The following KIF5C variants were observed in gnomAD, a reference collection of about 807,000 sequenced individuals.
The protein encoded by KIF5C is kinesin family member 5C.
KIF5C carries 18 observed loss-of-function variants against 125.2 expected under a neutral mutation model. The ratio of observed to expected loss-of-function variants is 0.14; its 90% CI spans 0.10 to 0.21. The LOEUF (loss-of-function observed/expected upper bound fraction) is 0.21, where lower values mean the gene tolerates loss of function less well. Ranked by LOEUF, KIF5C falls within the 10% of genes least tolerant of loss-of-function variation. The pLI, the probability that KIF5C is intolerant of heterozygous loss-of-function variation, is 1.00. For missense variants in KIF5C, 780 were observed against 1,183.8 expected (o/e 0.66, Z 5.01); for synonymous variants, 405 against 434.0 (o/e 0.93, Z 0.83).
At chr2:149,002,465 TC>T (rs1431223265) in intron 21 of KIF5C, among the ~76,000 whole-genome samples, 1 of 152,196 alleles carries the variant, frequency 6.6e-6, no homozygotes, top group East Asian at 1.9e-4. Flanking sequence ...TGCATGCTCC[TC>T]CATACACAAG....
At chr2:148,916,906 G>A (rs759645541) in intron 1 of KIF5C, among the ~76,000 whole-genome samples, 1 of 152,114 alleles carries the variant, frequency 6.6e-6, no homozygotes, top group Non-Finnish European at 1.5e-5. Flanking sequence ...CTGGCTGCAC[G>A]CATGCCATCT....
At chr2:148,897,254 T>G (rs1434667917) in intron 1 of KIF5C, among the ~76,000 whole-genome samples, 2 of 152,228 alleles carry the variant, frequency 1.3e-5, no homozygotes, top group African/African-American at 4.8e-5. Flanking sequence ...TCTAATATTT[T>G]CTATTCTACT....
intron 19 of KIF5C, chr2:148,998,772 ATTC>A: frequency 3.3e-6 from 1 of 307,676 alleles, no homozygotes; most frequent in East Asian, 6.2e-5. Context: ...CACATAGGTG[ATTC>A]CGCTGGATGG....
At chr2:149,020,874 C>G (rs1682515400) in intron 25 of KIF5C, among the ~76,000 whole-genome samples, 3 of 152,128 alleles carry the variant, frequency 2.0e-5, no homozygotes, top group Admixed American at 2.0e-4. Flanking sequence ...GCAATAAGCC[C>G]AAAATTTCAC....
At position 148,876,196 on chromosome 2, in the gene KIF5C, C is replaced by G. The variant is rs1424188081; in HGVS notation, c.126+453C>G. Among the ~76,000 whole-genome samples, 1 of 152,206 alleles carries G rather than the reference C, an allele frequency of 6.6e-6. No individual in the cohort carries two copies. The highest frequency in any genetic ancestry group is 2.4e-5 in the African/African-American group (1 of 41,462). On this transcript the variant is annotated intron_variant, in intron 1 of 25. Transcript: ENST00000435030. The surrounding 1 kb of genome is among the most constrained non-coding windows in gnomAD (Gnocchi z 4.7). The stretch of plus-strand genomic sequence containing the variant: ...CGCCTTGCCTCTTCTTCTCACGACC[C>G]TAGCAAAAAAGAAAGAAAAAGGGGT...
At chr2:148,898,073 G>A (rs1349770846) in intron 1 of KIF5C, among the ~76,000 whole-genome samples, 1 of 151,516 alleles carries the variant, frequency 6.6e-6, no homozygotes, top group Non-Finnish European at 1.5e-5. Context: ...TCCCATCAAA[G>A]ACTGGCTCTA....
At chr2:148,930,827 G>A (rs1300430382) in intron 3 of KIF5C, among the ~76,000 whole-genome samples, 1 of 152,166 alleles carries the variant, frequency 6.6e-6, no homozygotes, top group African/African-American at 2.4e-5. Context: ...TGACACCTGA[G>A]TGGCATCAGC....
At chr2:148,977,622 T>C (rs1681111996) in intron 12 of KIF5C, among the ~76,000 whole-genome samples, 2 of 152,122 alleles carry the variant, frequency 1.3e-5, no homozygotes, top group Admixed American at 1.3e-4. Flanking sequence ...TGCAGGAAAA[T>C]AGAACCATTA....
At chr2:148,910,174 C>T (rs961721367) in intron 1 of KIF5C, among the ~76,000 whole-genome samples, 1 of 152,072 alleles carries the variant, frequency 6.6e-6, no homozygotes, top group African/African-American at 2.4e-5. Context: ...GAAAACATGT[C>T]CTTAAATAAC....
intron 13 of KIF5C, 139 bp from the exon 14 acceptor site, chr2:148,981,216 G>A (rs1323238831): frequency 2.2e-5 from 28 of 1,267,998 alleles, no homozygotes; most frequent in Non-Finnish European, 2.7e-5. Flanking sequence ...GGACCATACA[G>A]TGGGGTTTCC....
At chr2:149,010,533 C>T (rs908922011) in intron 24 of KIF5C, among the ~76,000 whole-genome samples, 182 bp downstream of exon 24, 1 of 152,232 alleles carries the variant, frequency 6.6e-6, no homozygotes, top group Non-Finnish European at 1.5e-5. Context: ...GAATGTCAGG[C>T]GCCCCCGTTA....
chr2:148,969,859 CT>C (rs1680853963), intron 11 of KIF5C, among the ~76,000 whole-genome samples: 1 of 152,134 alleles, frequency 6.6e-6, no homozygotes, highest in Admixed American at 6.5e-5. Flanking sequence ...TGTTTGTGAG[CT>C]GGACAGTGTA....
At chr2:148,943,629 G>C (rs1290858185) in intron 7 of KIF5C, among the ~76,000 whole-genome samples, 1 of 152,120 alleles carries the variant, frequency 6.6e-6, no homozygotes, top group Non-Finnish European at 1.5e-5. Context: ...GAGCTCTAGG[G>C]AGGCAGATTT....
chr2:148,920,961 T>C (rs1681760431), intron 1 of KIF5C, among the ~76,000 whole-genome samples: 1 of 152,168 alleles, frequency 6.6e-6, no homozygotes, highest in Non-Finnish European at 1.5e-5. Context: ...AACATGAAGA[T>C]GAAGGGCCTC....
chr2:149,001,030 G>A (rs1291785856), intron 21 of KIF5C, among the ~76,000 whole-genome samples: 3 of 152,162 alleles, frequency 2.0e-5, no homozygotes, highest in Admixed American at 2.0e-4. Context: ...TTGCAACTTA[G>A]CAATTTTACA....
At position 149,010,823 on chromosome 2, in the gene KIF5C, G is replaced by C. The variant is rs571592441; in HGVS notation, c.2767+472G>C. On this transcript the variant is annotated intron_variant, in intron 24 of 25. Transcript: ENST00000435030. The stretch of plus-strand genomic sequence containing the variant: ...AAGAGCCAGGCTGGCATCCATGACA[G>C]GGTGTGGCTACAGGCTGGCACAGAA... 6.6e-5 allele frequency among the ~76,000 whole-genome samples: 10 copies of C among 152,344 alleles called. No individual in the cohort carries two copies. In the South Asian group the frequency reaches 2.1e-3, roughly 32 times the overall value.
Position 148,931,514 on chromosome 2 carries a change from T to G in KIF5C, c.291+2160T>G, listed in dbSNP as rs542723286. ...CATCTCTACTAAAAATACAAAAAAA[T>G]TAGCCAGGCGTGGTGGCGCACATTT... On this transcript the variant is annotated intron_variant, in intron 3 of 25. Coordinates refer to ENST00000435030, the MANE Select transcript of KIF5C (RefSeq NM_004522.3). Among the ~76,000 whole-genome samples, 7 of 151,580 alleles carry G rather than the reference T, an allele frequency of 4.6e-5. No homozygotes were observed. The East Asian group carries it at 1.2e-3, about 25-fold the overall frequency.
chr2:148,909,874 A>G lies in KIF5C; in HGVS notation c.127-12263A>G, dbSNP rs138380731. The stretch of plus-strand genomic sequence containing the variant: ...GAAATCAGACCCTCCTGCCTCTCCT[A>G]CTTATCGCTGTGCGACTATTATGTG... On this transcript the variant is annotated intron_variant, in intron 1 of 25. Coordinates refer to ENST00000435030, the MANE Select transcript of KIF5C (RefSeq NM_004522.3). Among the ~76,000 whole-genome samples the G allele has an allele frequency of 8.3e-3, 1,265 of 152,250 alleles. 13 individuals carry two copies. The highest frequency in any genetic ancestry group is 0.028 in the African/African-American group (1,181 of 41,542).
At chr2:148,951,500 T>C (rs1682657683) in intron 10 of KIF5C, among the ~76,000 whole-genome samples, 2 of 152,194 alleles carry the variant, frequency 1.3e-5, no homozygotes, top group African/African-American at 4.8e-5. Context: ...TTCAGGCATG[T>C]TTCCTCAGTT....
Sources: gnomAD v4.1 joint callset for allele counts (sites outside exome capture counted in the v4.1 genomes callset) on GRCh38, gnomAD v4.1.1 for gene constraint, Gnocchi (gnomAD v3.1) non-coding constraint, MANE v1.5 for transcripts, NCBI Gene and HGNC (gene_info 2026-07-23, HGNC 2026-07-21) for gene names.